Variants in NRBF2 observed in about 807,000 individuals in gnomAD.
NRBF2 encodes nuclear receptor binding factor 2.
Under a neutral mutation model 28.5 loss-of-function variants are expected in NRBF2, and 12 were observed. The ratio of observed to expected loss-of-function variants is 0.42; its 90% CI spans 0.27 to 0.68. The LOEUF (loss-of-function observed/expected upper bound fraction) is 0.68, where lower values mean the gene tolerates loss of function less well. NRBF2 is among the 30% of genes least tolerant of loss of function. NRBF2 has a pLI of 0.24. For missense variants in NRBF2, 274 were observed against 333.5 expected (o/e 0.82, Z 1.39); for synonymous variants, 102 against 116.5 (o/e 0.88, Z 0.80).
At position 63,133,450 on chromosome 10, in the gene NRBF2, CCGCCG is replaced by C; in HGVS notation, c.-19_-15del. On this transcript the variant is annotated 5_prime_UTR_variant, in exon 1 of 4. Transcript: ENST00000277746. ...GGCGCCACTACTCCCCTTCCTAAGGCCGCCGCTTACCCCGGGGTCTATGGAAGTAA... is the reference window on the plus strand; with the variant it reads ...GGCGCCACTACTCCCCTTCCTAAGGCCTTACCCCGGGGTCTATGGAAGTAA... 1 of 1,611,972 alleles carries C rather than the reference CCGCCG, an allele frequency of 6.2e-7. No homozygotes were observed. Among genetic ancestry groups the C allele is most frequent in the Non-Finnish European group, 8.5e-7 (1 of 1,178,922 alleles).
chr10:63,133,395 A>C lies in NRBF2; in HGVS notation c.-76A>C, dbSNP rs947301979. On this transcript the variant is annotated 5_prime_UTR_variant, in exon 1 of 4. Coordinates refer to ENST00000277746, the MANE Select transcript of NRBF2 (RefSeq NM_030759.5). ...GGCCGCAGTCTCCGCGGCTGCGTCG[A>C]GCTCCCTTGCAGTCCCCTCCATGTT... 2 of 1,578,362 alleles carry C rather than the reference A, an allele frequency of 1.3e-6. No individual in the cohort carries two copies. Among genetic ancestry groups the C allele is most frequent in the Non-Finnish European group, 1.7e-6 (2 of 1,155,294 alleles).
chr10:63,133,828 G>A (rs974736633), intron 1 of NRBF2, among the ~76,000 whole-genome samples: 1 of 152,238 alleles, frequency 6.6e-6, no homozygotes, highest in African/African-American at 2.4e-5. Context: ...CCTCCCTACA[G>A]CCTGGAGAGG....
chr10:63,134,126 C>G (rs1261455542), intron 1 of NRBF2, among the ~76,000 whole-genome samples: 1 of 152,012 alleles, frequency 6.6e-6, no homozygotes, highest in East Asian at 1.9e-4. Flanking sequence ...CTGTATTTAG[C>G]TCAGATTCAT....
At chr10:63,144,537 C>T (rs1841530041) in intron 1 of NRBF2, among the ~76,000 whole-genome samples, 1 of 151,826 alleles carries the variant, frequency 6.6e-6, no homozygotes, top group Admixed American at 6.6e-5. Context: ...GCCTCAGCCT[C>T]CTGAGTAGCT....
intron 2 of NRBF2, among the ~76,000 whole-genome samples, chr10:63,147,901 A>G (rs1375602242): frequency 6.6e-6 from 1 of 152,098 alleles, no homozygotes; most frequent in African/African-American, 2.4e-5. Context: ...ACAGTATTAA[A>G]CATGTCAACT....
intron 1 of NRBF2, among the ~76,000 whole-genome samples, chr10:63,141,198 G>A (rs1341540199): frequency 1.3e-5 from 2 of 152,156 alleles, no homozygotes; most frequent in Non-Finnish European, 2.9e-5. Flanking sequence ...AGCACTTTGG[G>A]TGAGTGAGGG....
intron 1 of NRBF2, among the ~76,000 whole-genome samples, chr10:63,144,717 G>C (rs1030828528): frequency 1.3e-5 from 2 of 152,038 alleles, no homozygotes; most frequent in Non-Finnish European, 2.9e-5. Context: ...CGCCCGGCCA[G>C]AATTACCTTA....
chr10:63,146,729 T>A (rs1044806577), intron 2 of NRBF2, among the ~76,000 whole-genome samples: 1 of 152,252 alleles, frequency 6.6e-6, no homozygotes, highest in African/African-American at 2.4e-5. Flanking sequence ...ATAAGACTTT[T>A]GTTACCTAAA....
chr10:63,133,612 A>G (rs1841323176), intron 1 of NRBF2, 112 bp downstream of exon 1: 1 of 821,710 alleles, frequency 1.2e-6, no homozygotes, highest in Non-Finnish European at 2.1e-6. Flanking sequence ...GTTTGGCAGG[A>G]GTGGTCGCAG....
At chr10:63,136,638 C>T (rs1841383309) in intron 1 of NRBF2, among the ~76,000 whole-genome samples, 1 of 152,154 alleles carries the variant, frequency 6.6e-6, no homozygotes, top group African/African-American at 2.4e-5. Context: ...AGGTCAGTAA[C>T]TTAAATACAT....
At chr10:63,134,698 C>T (rs1309571447) in intron 1 of NRBF2, among the ~76,000 whole-genome samples, 1 of 152,190 alleles carries the variant, frequency 6.6e-6, no homozygotes, top group East Asian at 1.9e-4. Flanking sequence ...TATAACCAGA[C>T]CATAAGCCCT....
chr10:63,137,920 C>T (rs1223168932), intron 1 of NRBF2, among the ~76,000 whole-genome samples: 1 of 152,068 alleles, frequency 6.6e-6, no homozygotes, highest in Non-Finnish European at 1.5e-5. Context: ...GGATTGGCAT[C>T]GGGCACGTTA....
chr10:63,152,199 T>C lies in NRBF2; in HGVS notation c.156+9T>C, dbSNP rs1841662138. The C allele has an allele frequency of 1.9e-6, 3 of 1,611,306 alleles. No individual in the cohort carries two copies. Among genetic ancestry groups the C allele is most frequent in the Non-Finnish European group, 2.5e-6 (3 of 1,177,718 alleles). On this transcript the variant is annotated intron_variant, in intron 3 of 3. Coordinates refer to ENST00000277746, the MANE Select transcript of NRBF2 (RefSeq NM_030759.5). Reference sequence around the variant, plus strand: ...TGACACAGTCAGAGCAGGTGAGACATATTCCCAATATTTGCGACAAGGGTT... The same window carrying C: ...TGACACAGTCAGAGCAGGTGAGACACATTCCCAATATTTGCGACAAGGGTT...
At chr10:63,147,559 G>A (rs994086353) in intron 2 of NRBF2, among the ~76,000 whole-genome samples, 2 of 150,412 alleles carry the variant, frequency 1.3e-5, no homozygotes, top group Admixed American at 6.6e-5. Context: ...TGATTGACCC[G>A]CCTTGGCCTC....
At chr10:63,141,823 A>G (rs1841473734) in intron 1 of NRBF2, among the ~76,000 whole-genome samples, 1 of 152,210 alleles carries the variant, frequency 6.6e-6, no homozygotes, top group Non-Finnish European at 1.5e-5. Flanking sequence ...ATAGTAGGAA[A>G]TGTACTTAAA....
In NRBF2 at chr10:63,133,341, C is replaced by T. The variant is rs1164074552; in HGVS notation, c.-130C>T. 7.3e-6 allele frequency: 8 copies of T among 1,088,714 alleles called. No homozygotes were observed. Among genetic ancestry groups the T allele is most frequent in the South Asian group, 2.6e-5 (2 of 75,648 alleles). 67.4% of individuals were successfully genotyped at this position (1,088,714 alleles called of 1,614,324 possible). A position where few individuals can be genotyped will look rare whatever the true frequency, so the allele number is the denominator to read the frequency against. On this transcript the variant is annotated 5_prime_UTR_variant, in exon 1 of 4. Transcript: ENST00000277746. Reference sequence around the variant, plus strand: ...GGTGAGGTTGTTGCTCCTTCAGCGCCTATCGCTGGCTCTTGGGGCGCAGAG... The same window carrying T: ...GGTGAGGTTGTTGCTCCTTCAGCGCTTATCGCTGGCTCTTGGGGCGCAGAG...
chr10:63,143,384 C>G (rs377160643), intron 1 of NRBF2, among the ~76,000 whole-genome samples: 96 of 152,192 alleles, frequency 6.3e-4, no homozygotes, highest in African/African-American at 1.9e-3. Context: ...CTGTGAAGTA[C>G]TTTTATGCAG....
At chr10:63,133,557 G>A in intron 1 of NRBF2, 57 bp downstream of exon 1, 1 of 1,347,644 alleles carries the variant, frequency 7.4e-7, no homozygotes, top group Non-Finnish European at 1.1e-6. Context: ...CAGGAGCCCG[G>A]CCCCGTCCCC....
intron 3 of NRBF2, among the ~76,000 whole-genome samples, 196 bp downstream of exon 3, chr10:63,152,386 C>T (rs145458984): frequency 6.6e-6 from 1 of 152,334 alleles, no homozygotes; most frequent in African/African-American, 2.4e-5. Context: ...ACATGGAATG[C>T]AGAAACTTCT....
Sources: gnomAD v4.1 joint callset for allele counts (sites outside exome capture counted in the v4.1 genomes callset) on GRCh38, gnomAD v4.1.1 for gene constraint, MANE v1.5 for transcripts, NCBI Gene and HGNC (gene_info 2026-07-23, HGNC 2026-07-21) for gene names.